SHISA6: variants seen among roughly 807,000 people sequenced by gnomAD.
SHISA6 encodes the protein shisa family member 6.
In SHISA6, 22 loss-of-function variants were observed where a neutral mutation model predicts 47.9. That is an observed-to-expected ratio of 0.46 (90% CI 0.33 to 0.66). The LOEUF is 0.66. Among genes scored for constraint, SHISA6 ranks in the 30% least tolerant of loss-of-function variants. The pLI is 0.02. For synonymous variants in SHISA6, 388 were observed against 337.8 expected (o/e 1.15, Z -1.63); for missense variants, 680 against 764.6 (o/e 0.89, Z 1.30).
intron 2 of SHISA6, among the ~76,000 whole-genome samples, chr17:11,368,465 A>G (rs1390853381): frequency 6.6e-6 from 1 of 152,138 alleles, no homozygotes; most frequent in African/African-American, 2.4e-5. Context: ...GCTTTGAATA[A>G]TTTTGGACTT....
At chr17:11,267,407 TGAA>T (rs906887654) in intron 2 of SHISA6, among the ~76,000 whole-genome samples, 2 of 152,152 alleles carry the variant, frequency 1.3e-5, no homozygotes, top group African/African-American at 4.8e-5. Flanking sequence ...ATGATGAAGT[TGAA>T]GAAGACCTCT....
chr17:11,345,117 T>C (rs1606585), intron 2 of SHISA6, among the ~76,000 whole-genome samples: 12,835 of 152,202 alleles, frequency 0.084, 841 homozygotes, highest in East Asian at 0.23. Context: ...GAATTCATTC[T>C]TTTTTTATGG....
intron 3 of SHISA6, among the ~76,000 whole-genome samples, chr17:11,497,497 G>A (rs909071620): frequency 7.2e-5 from 11 of 152,136 alleles, no homozygotes; most frequent in South Asian, 4.1e-4. Context: ...GTCTGAGACC[G>A]TGTTGAGAAT....
intron 2 of SHISA6, among the ~76,000 whole-genome samples, chr17:11,339,664 CCTT>C (rs1301481270): frequency 1.3e-5 from 2 of 152,190 alleles, no homozygotes; most frequent in African/African-American, 2.4e-5. Context: ...TCTATTGCTT[CCTT>C]CTTCTATCTT....
At chr17:11,456,187 G>T (rs560713607) in intron 3 of SHISA6, among the ~76,000 whole-genome samples, 1 of 152,156 alleles carries the variant, frequency 6.6e-6, no homozygotes, top group East Asian at 1.9e-4. Flanking sequence ...ACGGAGGACC[G>T]GAGGGAGGGA....
intron 3 of SHISA6, among the ~76,000 whole-genome samples, chr17:11,396,727 C>CA (rs1913582703): frequency 6.6e-6 from 1 of 152,126 alleles, no homozygotes; most frequent in Non-Finnish European, 1.5e-5. Context: ...GAACATCACA[C>CA]ACCAGGGCCT....
At chr17:11,447,810 T>A (rs752082640) in intron 3 of SHISA6, among the ~76,000 whole-genome samples, 14 of 152,164 alleles carry the variant, frequency 9.2e-5, no homozygotes, top group Non-Finnish European at 1.9e-4. Context: ...CTGGCATGTT[T>A]TGCTATGGAA....
Position 11,481,356 on chromosome 17 carries a change from GTGTGTGTGTGTA to G in SHISA6, c.896-70538_896-70527del, listed in dbSNP as rs144935598. On this transcript the variant is annotated intron_variant, in intron 3 of 5. Coordinates refer to ENST00000441885, the MANE Select transcript of SHISA6 (RefSeq NM_207386.4). ...TATATATGTGTGTGTGTGTGTGTGT[GTGTGTGTGTGTA>G]TATATATATATATATATATTTAGAA... 5.5e-3 allele frequency among the ~76,000 whole-genome samples: 667 copies of G among 121,184 alleles called. 13 individuals carry two copies. The highest frequency in any genetic ancestry group is 0.019 in the African/African-American group (631 of 32,434). The allele number at this position is 121,184 out of a possible 152,430, so 79.5% of individuals were successfully genotyped here. A position where few individuals can be genotyped will look rare whatever the true frequency, so the allele number is the denominator to read the frequency against.
At chr17:11,385,893 A>G (rs1234458338) in intron 3 of SHISA6, among the ~76,000 whole-genome samples, 1 of 151,936 alleles carries the variant, frequency 6.6e-6, no homozygotes, top group African/African-American at 2.4e-5. Context: ...TATAGACTGT[A>G]GAGAAATCCA....
intron 2 of SHISA6, among the ~76,000 whole-genome samples, chr17:11,277,280 T>TCTCTCTCTCTCA (rs1386997909): frequency 0.01 from 555 of 53,822 alleles, 3 homozygotes; most frequent in Middle Eastern, 0.029. Flanking sequence ...TCTCTCTCTC[T>TCTCTCTCTCTCA]CACACACACA....
At chr17:11,448,553 G>T (rs914138758) in intron 3 of SHISA6, among the ~76,000 whole-genome samples, 2 of 152,052 alleles carry the variant, frequency 1.3e-5, no homozygotes, top group Admixed American at 1.3e-4. Flanking sequence ...AATAGGCTGG[G>T]CGTGGTGTCT....
At chr17:11,354,388 C>T (rs1912007457) in intron 2 of SHISA6, among the ~76,000 whole-genome samples, 1 of 152,128 alleles carries the variant, frequency 6.6e-6, no homozygotes, top group African/African-American at 2.4e-5. Flanking sequence ...CCCTTCTACA[C>T]ACTCTGCCAC....
chr17:11,477,777 C>G (rs1225921742), intron 3 of SHISA6, among the ~76,000 whole-genome samples: 4 of 150,890 alleles, frequency 2.7e-5, no homozygotes, highest in Non-Finnish European at 5.9e-5. Context: ...GCATAGTATT[C>G]CATGGTGTAT....
chr17:11,535,502 G>C (rs2045423974), intron 3 of SHISA6, among the ~76,000 whole-genome samples: 1 of 152,202 alleles, frequency 6.6e-6, no homozygotes, highest in Non-Finnish European at 1.5e-5. Flanking sequence ...AGACTCCTTA[G>C]GGGGTTTTTA....
intron 2 of SHISA6, chr17:11,290,932 C>T (rs1237588411): frequency 6.6e-6 from 1 of 151,928 alleles, no homozygotes; most frequent in Non-Finnish European, 1.5e-5. Flanking sequence ...TGCTGTAGCG[C>T]TGGTGATGCC....
chr17:11,352,296 C>G (rs1348842465), intron 2 of SHISA6, among the ~76,000 whole-genome samples: 4 of 150,818 alleles, frequency 2.7e-5, no homozygotes, highest in Non-Finnish European at 5.9e-5. Context: ...ATTGAGAAAT[C>G]AAAGGAGGAA....
At chr17:11,302,442 C>A (rs1486249126) in intron 2 of SHISA6, among the ~76,000 whole-genome samples, 3 of 152,216 alleles carry the variant, frequency 2.0e-5, no homozygotes, top group Admixed American at 2.0e-4. Flanking sequence ...GGTCCCAGGA[C>A]ATCCAGATCT....
intron 3 of SHISA6, among the ~76,000 whole-genome samples, chr17:11,455,240 G>A (rs537302821): frequency 6.6e-6 from 1 of 152,184 alleles, no homozygotes; most frequent in South Asian, 2.1e-4. Context: ...ATGTCATCCT[G>A]TACTCCTTAT....
chr17:11,286,285 C>T (rs1271775035), intron 2 of SHISA6, among the ~76,000 whole-genome samples: 2 of 152,160 alleles, frequency 1.3e-5, no homozygotes, highest in Non-Finnish European at 2.9e-5. Flanking sequence ...GGAACAGATT[C>T]AAAGGGCACA....
Sources: allele counts gnomAD v4.1 joint callset (sites outside exome capture counted in the v4.1 genomes callset), GRCh38; gene constraint gnomAD v4.1.1; transcripts MANE v1.5; gene names NCBI Gene and HGNC (gene_info 2026-07-23, HGNC 2026-07-21).